The following FIGN variants were observed in gnomAD, a reference collection of about 807,000 sequenced individuals.
The protein encoded by FIGN is fidgetin.
Under a neutral mutation model 51.3 loss-of-function variants are expected in FIGN, and 11 were observed. The observed-to-expected ratio is 0.21, with a 90% CI of 0.13 to 0.35. The LOEUF (loss-of-function observed/expected upper bound fraction) is 0.35, where lower values mean the gene tolerates loss of function less well. Ranked by LOEUF, FIGN falls within the 10% of genes least tolerant of loss-of-function variation. The pLI is 1.00. For missense variants in FIGN, 857 were observed against 943.6 expected (o/e 0.91, Z 1.20); for synonymous variants, 407 against 363.2 (o/e 1.12, Z -1.37).
chr2:163,718,060 G>A (rs1464510084), intron 2 of FIGN, among the ~76,000 whole-genome samples: 2 of 152,084 alleles, frequency 1.3e-5, no homozygotes, highest in Admixed American at 6.6e-5. Flanking sequence ...AAGTACAGGG[G>A]GGAGGGGGGA....
intron 2 of FIGN, among the ~76,000 whole-genome samples, chr2:163,713,064 A>T (rs1250524802): frequency 3.9e-5 from 6 of 152,200 alleles, no homozygotes; most frequent in African/African-American, 7.2e-5. Flanking sequence ...AGTAATATTT[A>T]TTAGAAGATT....
rs770860855 is a variant in FIGN at position 163,609,465 on chromosome 2, C to T, written c.*87G>A. Reference sequence around the variant, plus strand: ...CCCAGTACCCTTTGCAATTTAAACTCTACTGGAAAGGGGCTCTATTCCCTA... The same window carrying T: ...CCCAGTACCCTTTGCAATTTAAACTTTACTGGAAAGGGGCTCTATTCCCTA... On this transcript the variant is annotated 3_prime_UTR_variant, in exon 3 of 3. Transcript: ENST00000333129. The T allele has an allele frequency of 2.9e-5, 34 of 1,168,394 alleles. No homozygotes were observed. The highest frequency in any genetic ancestry group is 4.1e-5 in the Non-Finnish European group (34 of 831,062). The allele number at this position is 1,168,394 out of a possible 1,614,324, so 72.4% of individuals were successfully genotyped here.
chr2:163,627,259 C>T (rs1325540126), intron 2 of FIGN, among the ~76,000 whole-genome samples: 1 of 152,118 alleles, frequency 6.6e-6, no homozygotes, highest in Non-Finnish European at 1.5e-5. Flanking sequence ...TTTCTAGTAA[C>T]ACCTAGTTAA....
chr2:163,673,017 T>C (rs538416457), intron 2 of FIGN, among the ~76,000 whole-genome samples: 1 of 152,290 alleles, frequency 6.6e-6, no homozygotes, highest in East Asian at 1.9e-4. Flanking sequence ...CCAGTGCATA[T>C]CTCGTTAGAC....
chr2:163,689,375 T>C (rs1337238317), intron 2 of FIGN, among the ~76,000 whole-genome samples: 2 of 152,174 alleles, frequency 1.3e-5, no homozygotes, highest in East Asian at 1.9e-4. Flanking sequence ...ATATATGTCT[T>C]GATCCATATG....
chr2:163,709,521 C>T (rs1011764491), intron 2 of FIGN, among the ~76,000 whole-genome samples: 4 of 151,990 alleles, frequency 2.6e-5, no homozygotes, highest in Admixed American at 6.6e-5. Flanking sequence ...GGAGAAAGAC[C>T]AAAGGTTTGG....
intron 2 of FIGN, among the ~76,000 whole-genome samples, chr2:163,652,017 A>C (rs1683484681): frequency 6.6e-6 from 1 of 152,212 alleles, no homozygotes; most frequent in Non-Finnish European, 1.5e-5. Flanking sequence ...TACTGTTGTC[A>C]TACCTCCAGT....
intron 2 of FIGN, among the ~76,000 whole-genome samples, chr2:163,615,520 A>G (rs146368467): frequency 7.0e-4 from 106 of 152,286 alleles, no homozygotes; most frequent in African/African-American, 2.2e-3. Context: ...TATGAAATGG[A>G]ACAAAACCAC....
chr2:163,686,953 T>C (rs10183286), intron 2 of FIGN, among the ~76,000 whole-genome samples: 7,030 of 151,986 alleles, frequency 0.046, 517 homozygotes, highest in African/African-American at 0.15. Context: ...TTATTTAAAA[T>C]AATCAGTCAT....
chr2:163,715,361 T>C lies in FIGN; in HGVS notation c.25+19542A>G, dbSNP rs1254917613. Among the ~76,000 whole-genome samples, 41 of 152,114 alleles carry C rather than the reference T, an allele frequency of 2.7e-4. 1 individual carries two copies. The highest frequency in any genetic ancestry group is 2.7e-3 in the Admixed American group (41 of 15,274). Reference sequence around the variant, plus strand: ...ACACCAATGTGGGGAGATTCGGGATTTTGAGCATGCCAGCCAGAAGGGTCA... The same window carrying C: ...ACACCAATGTGGGGAGATTCGGGATCTTGAGCATGCCAGCCAGAAGGGTCA... On this transcript the variant is annotated intron_variant, in intron 2 of 2. Transcript: ENST00000333129.
At chr2:163,680,754 C>A (rs1044522650) in intron 2 of FIGN, among the ~76,000 whole-genome samples, 1 of 151,738 alleles carries the variant, frequency 6.6e-6, no homozygotes, top group Admixed American at 6.6e-5. Flanking sequence ...TTGGGGCTCC[C>A]GGAGTCCACT....
intron 2 of FIGN, among the ~76,000 whole-genome samples, chr2:163,615,820 G>GA (rs1264706152): frequency 6.6e-6 from 1 of 152,086 alleles, no homozygotes; most frequent in Non-Finnish European, 1.5e-5. Context: ...TGGAAAGTAA[G>GA]AAAAATAGTT....
At chr2:163,657,116 A>G (rs1683571716) in intron 2 of FIGN, among the ~76,000 whole-genome samples, 1 of 105,228 alleles carries the variant, frequency 9.5e-6, no homozygotes, top group African/African-American at 4.4e-5. Flanking sequence ...CCTCCAAGAG[A>G]AAAAAAAAAA....
At chr2:163,648,326 T>C (rs1683415325) in intron 2 of FIGN, among the ~76,000 whole-genome samples, 1 of 152,198 alleles carries the variant, frequency 6.6e-6, no homozygotes. Flanking sequence ...ATGATTAGAA[T>C]GGAATGAATG....
At chr2:163,730,055 G>A (rs766434524) in intron 2 of FIGN, among the ~76,000 whole-genome samples, 3 of 152,162 alleles carry the variant, frequency 2.0e-5, no homozygotes, top group South Asian at 2.1e-4. Flanking sequence ...AGGTACTTAC[G>A]GATGTGCTGT....
At chr2:163,616,297 GTA>G (rs1558997154) in intron 2 of FIGN, among the ~76,000 whole-genome samples, 2 of 152,060 alleles carry the variant, frequency 1.3e-5, no homozygotes, top group African/African-American at 4.8e-5. Context: ...AAAATGAAGG[GTA>G]TAAAAGCAAC....
At chr2:163,657,652 C>T (rs955721840) in intron 2 of FIGN, among the ~76,000 whole-genome samples, 5 of 152,020 alleles carry the variant, frequency 3.3e-5, no homozygotes, top group East Asian at 1.9e-4. Flanking sequence ...TAACCAGCAA[C>T]GAGTTCTTCC....
intron 2 of FIGN, among the ~76,000 whole-genome samples, chr2:163,722,972 G>A (rs1684782268): frequency 6.6e-6 from 1 of 151,732 alleles, no homozygotes; most frequent in African/African-American, 2.4e-5. Flanking sequence ...GGATCATGAG[G>A]TCAGGAGATC....
intron 2 of FIGN, among the ~76,000 whole-genome samples, chr2:163,695,611 T>C (rs1436046948): frequency 6.6e-6 from 1 of 152,176 alleles, no homozygotes; most frequent in East Asian, 1.9e-4. Context: ...GAAAGACTAT[T>C]AGTAATTACG....
Sources: gnomAD v4.1 joint callset for allele counts (sites outside exome capture counted in the v4.1 genomes callset) on GRCh38, gnomAD v4.1.1 for gene constraint, MANE v1.5 for transcripts, NCBI Gene and HGNC (gene_info 2026-07-23, HGNC 2026-07-21) for gene names.